GSS: variants seen among roughly 807,000 people sequenced by gnomAD.
GSS encodes the protein glutathione synthetase.
GSS carries 34 observed loss-of-function variants against 60.4 expected under a neutral mutation model. The observed-to-expected ratio is 0.56, with a 90% CI of 0.43 to 0.75. The LOEUF (loss-of-function observed/expected upper bound fraction) is 0.75, where lower values mean the gene tolerates loss of function less well. Ranked by LOEUF, GSS falls within the 30% of genes least tolerant of loss-of-function variation. GSS has a pLI of 0.00. For missense variants in GSS, 499 were observed against 595.1 expected, an observed-to-expected ratio of 0.84 and a Z score of 1.68; for synonymous variants, 224 against 239.0, an observed-to-expected ratio of 0.94 and a Z score of 0.58.
intron 1 of GSS, among the ~76,000 whole-genome samples, chr20:34,953,472 G>A (rs1191441921): frequency 6.6e-6 from 1 of 152,136 alleles, no homozygotes; most frequent in Admixed American, 6.5e-5. Flanking sequence ...CAGACAGACA[G>A]ACCTGGGTTT....
At chr20:34,953,193 T>C (rs2081582567) in intron 1 of GSS, among the ~76,000 whole-genome samples, 1 of 152,204 alleles carries the variant, frequency 6.6e-6, no homozygotes, top group Admixed American at 6.5e-5. Context: ...AATTTTGTTC[T>C]GCCCTGTTGC....
Position 34,945,969 on chromosome 20 carries a change from C to T in GSS, c.259G>A (p.Glu87Lys), listed in dbSNP as rs2081518608. The change falls in exon 3 of 13, where the codon GAG becomes AAG. Residue 87 changes from glutamate to lysine, a missense_variant. By Grantham distance (56) the Glu-to-Lys change is moderately conservative. Coordinates refer to ENST00000651619, the MANE Select transcript of GSS (RefSeq NM_000178.4). ...DAVSQNAAFLEQTLSSTIKQD... is the reference protein window; with the variant it reads ...DAVSQNAAFLKQTLSSTIKQD... ...GTCCCCTACCTGGAAAGAGTTTGCT[C>T]CAGGAAGGCAGCGTTCTGGCTGACA... The T allele has an allele frequency of 2.5e-6, 4 of 1,614,072 alleles. 1 individual carries two copies. In the South Asian group the frequency reaches 4.4e-5, roughly 18 times the overall value.
intron 2 of GSS, among the ~76,000 whole-genome samples, 189 bp from the exon 3 acceptor site, chr20:34,946,287 TTATCTC>T (rs1264683956): frequency 6.6e-6 from 1 of 152,156 alleles, no homozygotes; most frequent in Admixed American, 6.5e-5. Flanking sequence ...CTGTGATAGT[TTATCTC>T]TACGTATTGA....
chr20:34,952,196 G>A, intron 1 of GSS: 1 of 380,592 alleles, frequency 2.6e-6, no homozygotes, highest in South Asian at 2.3e-5. Context: ...CCATGTCTCT[G>A]GACTCCCAGC....
rs768715562 is a variant in GSS at position 34,942,468 on chromosome 20, G to A, written c.491+20C>T. ...GCATGTCACCCCACAGGTATGCCGG[G>A]GGCTGCCCAGGGGACCCACCGGTGC... is the stretch of plus-strand genomic sequence containing the variant. On this transcript the variant is annotated intron_variant, in intron 5 of 12. Transcript: ENST00000651619. 1.9e-6 allele frequency: 3 copies of A among 1,609,552 alleles called. No homozygotes were observed. Among genetic ancestry groups the A allele is most frequent in the African/African-American group, 2.7e-5 (2 of 74,952 alleles).
chr20:34,931,372 T>C lies in GSS; in HGVS notation c.1075A>G (p.Ser359Gly). 1 of 1,614,228 alleles carries C rather than the reference T, an allele frequency of 6.2e-7. No individual in the cohort carries two copies. The highest frequency in any genetic ancestry group is 8.5e-7 in the Non-Finnish European group (1 of 1,180,032). The change falls in exon 11 of 13, where the codon AGC becomes GGC. Residue 359 changes from serine to glycine, a missense_variant. Coordinates refer to ENST00000651619, the MANE Select transcript of GSS (RefSeq NM_000178.4). ...CTCTGGGGCTTTAGCACAAACCGGC[T>C]AGGGGCAGCAAGGGCCTCGGCGATG... ...QAIAEALAAP[S>G]RFVLKPQREG... is the part of the protein sequence containing the mutation.
At chr20:34,939,976 T>G (rs1278831478) in intron 6 of GSS, among the ~76,000 whole-genome samples, 1 of 152,134 alleles carries the variant, frequency 6.6e-6, no homozygotes, top group African/African-American at 2.4e-5. Flanking sequence ...GGCCTATTAT[T>G]ATTATTGAAA....
intron 1 of GSS, chr20:34,954,597 A>G (rs1318927062): frequency 6.5e-6 from 1 of 153,508 alleles, no homozygotes; most frequent in African/African-American, 2.4e-5. Context: ...AAGAAATCAG[A>G]TGAAGGTGCT....
At chr20:34,934,437 C>T (rs1051407205) in intron 9 of GSS, among the ~76,000 whole-genome samples, 2 of 151,748 alleles carry the variant, frequency 1.3e-5, no homozygotes, top group African/African-American at 4.8e-5. Context: ...CCACCACGCC[C>T]GGCTAATTTT....
intron 5 of GSS, among the ~76,000 whole-genome samples, chr20:34,942,067 C>T (rs540540390): frequency 2.0e-5 from 3 of 152,228 alleles, no homozygotes; most frequent in Admixed American, 2.0e-4. Flanking sequence ...CCAACCTACC[C>T]TAGTGTCCCA....
intron 11 of GSS, 97 bp downstream of exon 11, chr20:34,931,239 A>G (rs1210050376): frequency 2.1e-6 from 2 of 973,080 alleles, no homozygotes; most frequent in Non-Finnish European, 3.3e-6. Flanking sequence ...AGTTTCCCCC[A>G]TGCCCGGGAC....
chr20:34,947,335 G>A (rs1333646991), intron 2 of GSS, among the ~76,000 whole-genome samples: 5 of 152,152 alleles, frequency 3.3e-5, no homozygotes, highest in African/African-American at 7.2e-5. Context: ...TGATCTGCCT[G>A]CCTCAGCCTC....
At chr20:34,949,996 TTC>T (rs896755931) in intron 2 of GSS, 9 of 96,672 alleles carry the variant, frequency 9.3e-5, no homozygotes, top group Non-Finnish European at 1.3e-4. Context: ...AGTAAAATCA[TTC>T]TCTCTCTCTC....
At chr20:34,938,492 C>T (rs932196454) in intron 6 of GSS, among the ~76,000 whole-genome samples, 1 of 152,146 alleles carries the variant, frequency 6.6e-6, no homozygotes, top group African/African-American at 2.4e-5. Flanking sequence ...GGTGCTCTCA[C>T]AAGTCATCTT....
chr20:34,955,315 A>C (rs2081613303), intron 1 of GSS: 1 of 152,252 alleles, frequency 6.6e-6, no homozygotes, highest in East Asian at 1.9e-4. Context: ...AACGCCCACA[A>C]GGAAATCGGT....
rs1447218093 is a variant in GSS at position 34,945,915 on chromosome 20, G to A, written c.275+38C>T. The A allele has an allele frequency of 8.7e-6, 14 of 1,609,558 alleles. No homozygotes were observed. In the Admixed American group the frequency reaches 2.2e-4, roughly 25 times the overall value. On this transcript the variant is annotated intron_variant, in intron 3 of 12. Coordinates refer to ENST00000651619, the MANE Select transcript of GSS (RefSeq NM_000178.4). ...TGCAATCTTCCAGTTCCTTGGCTCT[G>A]GCAGCTCCTGGCCCCCCAATGCTTC...
chr20:34,945,250 T>C (rs1382486056), intron 3 of GSS, among the ~76,000 whole-genome samples: 1 of 151,922 alleles, frequency 6.6e-6, no homozygotes, highest in Non-Finnish European at 1.5e-5. Flanking sequence ...CTCAAACTCC[T>C]GACCTTAAGT....
intron 8 of GSS, 140 bp downstream of exon 8, chr20:34,936,623 G>T (rs2081442503): frequency 2.5e-6 from 2 of 811,154 alleles, no homozygotes; most frequent in African/African-American, 3.4e-5. Flanking sequence ...AAAATTTCCT[G>T]GGAGGATGAG....
At chr20:34,950,401 A>T (rs2081559290) in intron 2 of GSS, among the ~76,000 whole-genome samples, 1 of 152,086 alleles carries the variant, frequency 6.6e-6, no homozygotes, top group African/African-American at 2.4e-5. Flanking sequence ...CTAAAAAAAG[A>T]AGAGATGTTG....
Sources: allele counts gnomAD v4.1 joint callset (sites outside exome capture counted in the v4.1 genomes callset), GRCh38; gene constraint gnomAD v4.1.1; transcripts MANE v1.5; gene names NCBI Gene and HGNC (gene_info 2026-07-23, HGNC 2026-07-21).